The following NAALADL2 variants were observed in gnomAD, a reference collection of about 807,000 sequenced individuals.
NAALADL2 encodes the protein inactive N-acetylated-alpha-linked acidic dipeptidase-like protein 2.
Under a neutral mutation model 87.2 loss-of-function variants are expected in NAALADL2, and 76 were observed. That is an observed-to-expected ratio of 0.87 (90% CI 0.72 to 1.05). The LOEUF (loss-of-function observed/expected upper bound fraction) is 1.05. Among genes scored for constraint, NAALADL2 ranks in the 50% least tolerant of loss-of-function variants. The pLI is 0.00. For missense variants in NAALADL2, 1,089 were observed against 945.8 expected (o/e 1.15, Z -1.99); for synonymous variants, 354 against 331.0 (o/e 1.07, Z -0.75).
At chr3:175,226,031 T>C (rs924408508) in intron 2 of NAALADL2, among the ~76,000 whole-genome samples, 8 of 152,154 alleles carry the variant, frequency 5.3e-5, no homozygotes, top group Non-Finnish European at 7.4e-5. Flanking sequence ...ACGTGGAACA[T>C]AAATTGATAT....
intron 1 of NAALADL2, among the ~76,000 whole-genome samples, chr3:174,488,316 A>G (rs1207723143): frequency 2.0e-5 from 3 of 151,984 alleles, no homozygotes; most frequent in Non-Finnish European, 4.4e-5. Context: ...CTTGGATAAG[A>G]TATTTAACTT....
chr3:174,444,002 A>C (rs1326421025), intron 1 of NAALADL2, among the ~76,000 whole-genome samples: 1 of 144,822 alleles, frequency 6.9e-6, no homozygotes, highest in Non-Finnish European at 1.6e-5. Flanking sequence ...CATCACTTGA[A>C]TATTTTTATT....
At chr3:174,494,805 G>C (rs961382301) in intron 1 of NAALADL2, among the ~76,000 whole-genome samples, 2 of 152,086 alleles carry the variant, frequency 1.3e-5, no homozygotes, top group Non-Finnish European at 2.9e-5. Flanking sequence ...AGCTTTTTAC[G>C]TTGGAGGGAT....
chr3:175,221,070 G>A (rs541323276), intron 2 of NAALADL2, among the ~76,000 whole-genome samples: 11 of 152,000 alleles, frequency 7.2e-5, no homozygotes, highest in South Asian at 6.2e-4. Context: ...ATGATGGCGA[G>A]TGCCTGTAAT....
At chr3:175,367,207 C>A (rs1034741706) in intron 5 of NAALADL2, among the ~76,000 whole-genome samples, 12 of 151,648 alleles carry the variant, frequency 7.9e-5, no homozygotes, top group African/African-American at 2.9e-4. Context: ...CTATTCTGTT[C>A]CATTGATCTA....
At chr3:174,704,744 T>C (rs1160905940) in intron 2 of NAALADL2, among the ~76,000 whole-genome samples, 1 of 152,098 alleles carries the variant, frequency 6.6e-6, no homozygotes, top group African/African-American at 2.4e-5. Context: ...TCATACCCCA[T>C]GGATTAATTG....
At chr3:174,451,864 T>G (rs1323051408) in intron 1 of NAALADL2, among the ~76,000 whole-genome samples, 7 of 145,522 alleles carry the variant, frequency 4.8e-5, no homozygotes, top group Non-Finnish European at 9.0e-5. Flanking sequence ...TTTTTTTTTT[T>G]TTTTTTTTGA....
At chr3:175,784,968 AGTC>A (rs1751716240) in intron 13 of NAALADL2, among the ~76,000 whole-genome samples, 1 of 147,926 alleles carries the variant, frequency 6.8e-6, no homozygotes, top group African/African-American at 2.6e-5. Flanking sequence ...TGTACCCAGT[AGTC>A]ATTCAGGAGC....
At chr3:174,729,658 T>C (rs1732521322) in intron 2 of NAALADL2, among the ~76,000 whole-genome samples, 1 of 152,100 alleles carries the variant, frequency 6.6e-6, no homozygotes, top group African/African-American at 2.4e-5. Context: ...ATTCTATCTT[T>C]TAATATAACT....
intron 10 of NAALADL2, among the ~76,000 whole-genome samples, chr3:175,583,361 A>G (rs565175607): frequency 6.6e-6 from 1 of 152,300 alleles, no homozygotes; most frequent in African/African-American, 2.4e-5. Context: ...CTGTCTGTAT[A>G]TGCCCTTTGC....
chr3:175,458,079 G>C (rs570448371), intron 6 of NAALADL2, among the ~76,000 whole-genome samples: 2 of 151,878 alleles, frequency 1.3e-5, no homozygotes, highest in African/African-American at 4.8e-5. Flanking sequence ...TATTCTTCGG[G>C]TATTTCTTTA....
chr3:174,468,316 T>G (rs1273500974), intron 1 of NAALADL2, among the ~76,000 whole-genome samples: 2 of 152,134 alleles, frequency 1.3e-5, no homozygotes, highest in African/African-American at 4.8e-5. Context: ...TGTTCCTACT[T>G]GAGCCAGTGT....
chr3:174,535,031 A>T (rs915999914), intron 1 of NAALADL2, among the ~76,000 whole-genome samples: 1 of 152,198 alleles, frequency 6.6e-6, no homozygotes, highest in Non-Finnish European at 1.5e-5. Flanking sequence ...TTTGAGAGCT[A>T]CTGCTCTAGG....
intron 1 of NAALADL2, among the ~76,000 whole-genome samples, chr3:174,859,916 A>G (rs1357106176): frequency 2.0e-5 from 3 of 152,056 alleles, no homozygotes; most frequent in Non-Finnish European, 4.4e-5. Flanking sequence ...CCACTTTTTA[A>G]AAGGTAGAAA....
intron 5 of NAALADL2, among the ~76,000 whole-genome samples, chr3:175,396,228 G>A (rs1277597059): frequency 6.6e-6 from 1 of 152,088 alleles, no homozygotes; most frequent in Non-Finnish European, 1.5e-5. Context: ...GATGTTGTAA[G>A]TCATGAGCTT....
At chr3:174,574,761 A>C (rs564750918) in intron 2 of NAALADL2, among the ~76,000 whole-genome samples, 1 of 152,252 alleles carries the variant, frequency 6.6e-6, no homozygotes, top group Admixed American at 6.5e-5. Context: ...TCTAGAATTC[A>C]AATAAATAGA....
At chr3:175,413,758 A>G (rs753936076) in intron 5 of NAALADL2, among the ~76,000 whole-genome samples, 6 of 152,048 alleles carry the variant, frequency 3.9e-5, no homozygotes, top group Non-Finnish European at 7.4e-5. Context: ...TAGTTTTTAA[A>G]TCGATTTAAA....
intron 13 of NAALADL2, among the ~76,000 whole-genome samples, chr3:175,794,053 C>T (rs1012943318): frequency 2.8e-4 from 42 of 152,200 alleles, no homozygotes; most frequent in Non-Finnish European, 4.1e-4. Context: ...CGTTTTGTGA[C>T]CTGACCATTA....
chr3:174,776,444 A>T (rs756519983), intron 3 of NAALADL2, among the ~76,000 whole-genome samples: 6 of 152,106 alleles, frequency 3.9e-5, no homozygotes, highest in South Asian at 2.1e-4. Context: ...AGTTCCAGAG[A>T]CACTTCTTAT....
Sources: allele counts gnomAD v4.1 joint callset (sites outside exome capture counted in the v4.1 genomes callset), GRCh38; gene constraint gnomAD v4.1.1; transcripts MANE v1.5; gene names NCBI Gene and HGNC (gene_info 2026-07-23, HGNC 2026-07-21).